GABRG3: variants seen among roughly 807,000 people sequenced by gnomAD.
GABRG3 encodes the protein gamma-aminobutyric acid receptor subunit gamma-3.
A neutral mutation model predicts 48.8 loss-of-function variants in GABRG3; 25 were observed. The observed-to-expected ratio is 0.51, with a 90% CI of 0.37 to 0.72. The LOEUF (loss-of-function observed/expected upper bound fraction) is 0.72, where lower values mean the gene tolerates loss of function less well. Ranked by LOEUF, GABRG3 falls within the 30% of genes least tolerant of loss-of-function variation. The pLI is 0.00. For synonymous variants in GABRG3, 227 were observed against 217.6 expected (o/e 1.04, Z -0.38); for missense variants, 394 against 577.9 (o/e 0.68, Z 3.26).
intron 5 of GABRG3, among the ~76,000 whole-genome samples, chr15:27,464,994 TAAG>T (rs1471387910): frequency 7.0e-4 from 106 of 152,338 alleles, no homozygotes; most frequent in African/African-American, 2.4e-3. Flanking sequence ...AATAAATATG[TAAG>T]TCTTTATGAA....
intron 3 of GABRG3, among the ~76,000 whole-genome samples, chr15:27,128,154 G>A (rs1053974560): frequency 6.6e-6 from 1 of 152,216 alleles, no homozygotes; most frequent in Non-Finnish European, 1.5e-5. Flanking sequence ...TTGAGGCCAG[G>A]AATTCAAAAT....
At chr15:26,992,037 T>G (rs1895259226) in intron 2 of GABRG3, among the ~76,000 whole-genome samples, 1 of 152,182 alleles carries the variant, frequency 6.6e-6, no homozygotes, top group Non-Finnish European at 1.5e-5. Flanking sequence ...CTTTTTTATA[T>G]TGTTCACTTG....
At chr15:27,284,971 C>G (rs1247483998) in intron 3 of GABRG3, among the ~76,000 whole-genome samples, 1 of 152,128 alleles carries the variant, frequency 6.6e-6, no homozygotes, top group Middle Eastern at 3.2e-3. Context: ...GAATCCCAGG[C>G]TTTTAGTCTA....
chr15:27,294,248 A>C (rs1891902155), intron 3 of GABRG3, among the ~76,000 whole-genome samples: 2 of 141,482 alleles, frequency 1.4e-5, no homozygotes, highest in Admixed American at 7.1e-5. Context: ...TTTTTGAGAC[A>C]AGCTCTCACC....
At chr15:27,250,359 TCCTC>T (rs1890415067) in intron 3 of GABRG3, among the ~76,000 whole-genome samples, 1 of 152,202 alleles carries the variant, frequency 6.6e-6, no homozygotes, top group Non-Finnish European at 1.5e-5. Flanking sequence ...AGCATTCACT[TCCTC>T]AGCAGCACTG....
Position 27,105,613 on chromosome 15 carries a change from G to A in GABRG3, c.270+78792G>A, listed in dbSNP as rs148389435. ...CATTAACATAACGTTTTAGGATGGC[G>A]GTTATCAAAAAGCCAAAAGACAACA... On this transcript the variant is annotated intron_variant, in intron 3 of 9. Coordinates refer to ENST00000615808, the MANE Select transcript of GABRG3 (RefSeq NM_033223.5). 5.1e-4 allele frequency among the ~76,000 whole-genome samples: 78 copies of A among 152,190 alleles called. 1 individual carries two copies. The highest frequency in any genetic ancestry group is 1.6e-3 in the African/African-American group (67 of 41,540).
intron 5 of GABRG3, among the ~76,000 whole-genome samples, chr15:27,350,913 CAT>C (rs561017910): frequency 1.5e-3 from 216 of 147,230 alleles, no homozygotes; most frequent in Non-Finnish European, 2.2e-3. Flanking sequence ...GTGTGTGTAT[CAT>C]GTGTGTTTGT....
chr15:27,163,821 C>T (rs12442272), intron 3 of GABRG3, among the ~76,000 whole-genome samples: 1 of 152,064 alleles, frequency 6.6e-6, no homozygotes, highest in South Asian at 2.1e-4. Context: ...TGCGAGTGGG[C>T]TTGCTTGTCT....
intron 3 of GABRG3, among the ~76,000 whole-genome samples, chr15:27,197,699 G>T (rs1189583363): frequency 2.0e-5 from 3 of 152,146 alleles, no homozygotes; most frequent in Admixed American, 6.5e-5. Flanking sequence ...GCTCCTGCTT[G>T]TACCTCTGGT....
At chr15:27,210,031 A>T (rs1889020943) in intron 3 of GABRG3, among the ~76,000 whole-genome samples, 1 of 152,066 alleles carries the variant, frequency 6.6e-6, no homozygotes. Flanking sequence ...TAAGGGCTTC[A>T]CCTCCAAAAT....
At chr15:27,417,910 C>A (rs769376268) in intron 5 of GABRG3, among the ~76,000 whole-genome samples, 30 of 152,310 alleles carry the variant, frequency 2.0e-4, no homozygotes, top group Non-Finnish European at 3.4e-4. Flanking sequence ...AGTCCCTTAG[C>A]TTCCTTGGGC....
At chr15:27,014,170 C>T (rs1023786120) in intron 2 of GABRG3, among the ~76,000 whole-genome samples, 1 of 151,952 alleles carries the variant, frequency 6.6e-6, no homozygotes, top group African/African-American at 2.4e-5. Flanking sequence ...TTTTAAGTAT[C>T]GTTATTTGAG....
chr15:27,261,078 T>C (rs573364895), intron 3 of GABRG3, among the ~76,000 whole-genome samples: 61 of 152,286 alleles, frequency 4.0e-4, no homozygotes, highest in African/African-American at 1.4e-3. Flanking sequence ...ATTTTCAACT[T>C]TAAAAACAAA....
intron 5 of GABRG3, among the ~76,000 whole-genome samples, chr15:27,461,855 C>G (rs1470560571): frequency 1.3e-5 from 2 of 152,150 alleles, no homozygotes; most frequent in African/African-American, 2.4e-5. Flanking sequence ...TGTAGAGAGA[C>G]TTCTTTTTCA....
intron 3 of GABRG3, among the ~76,000 whole-genome samples, chr15:27,116,088 A>G (rs983572674): frequency 1.3e-5 from 2 of 152,248 alleles, no homozygotes; most frequent in East Asian, 1.9e-4. Flanking sequence ...ACCAACCTCA[A>G]CCAACCTGCT....
intron 3 of GABRG3, among the ~76,000 whole-genome samples, chr15:27,186,192 A>G (rs1888091795): frequency 1.3e-5 from 2 of 152,070 alleles, no homozygotes; most frequent in African/African-American, 4.8e-5. Context: ...TTCCTCGAGT[A>G]GTCCCCAGGG....
intron 6 of GABRG3, chr15:27,481,092 A>T (rs1481102924): frequency 3.5e-6 from 4 of 1,148,698 alleles, no homozygotes; most frequent in Non-Finnish European, 4.3e-6. Flanking sequence ...TGATGGGGAG[A>T]GTTCTGCAAA....
chr15:27,161,301 C>A (rs1887178786), intron 3 of GABRG3: 2 of 152,156 alleles, frequency 1.3e-5, no homozygotes, highest in East Asian at 3.9e-4. Context: ...GGGTCAGAGA[C>A]AAAGGACATT....
chr15:27,378,750 A>T (rs1455210416), intron 5 of GABRG3, among the ~76,000 whole-genome samples: 1 of 152,208 alleles, frequency 6.6e-6, no homozygotes, highest in Non-Finnish European at 1.5e-5. Flanking sequence ...CACTGACTTT[A>T]TGAAAGAGAT....
Sources: allele counts gnomAD v4.1 joint callset (sites outside exome capture counted in the v4.1 genomes callset), GRCh38; gene constraint gnomAD v4.1.1; transcripts MANE v1.5; gene names NCBI Gene and HGNC (gene_info 2026-07-23, HGNC 2026-07-21).